Variants in FHIT observed in about 807,000 individuals in gnomAD.
The protein encoded by FHIT is fragile histidine triad diadenosine triphosphatase.
In FHIT, 19 loss-of-function variants were observed where a neutral mutation model predicts 17.9. That is an observed-to-expected ratio of 1.06 (90% CI 0.74 to 1.56). The LOEUF (loss-of-function observed/expected upper bound fraction) is 1.56, where lower values mean the gene tolerates loss of function less well. Ranked by LOEUF, FHIT falls within the 40% of genes most tolerant of loss-of-function variation. The probability of loss-of-function intolerance (pLI) is 0.00; values close to 1 mark genes in which losing one functional copy is unlikely to be tolerated. For synonymous variants in FHIT, 81 were observed against 69.7 expected (o/e 1.16, Z -0.81); for missense variants, 248 against 189.2 (o/e 1.31, Z -1.82).
chr3:61,049,911 A>C (rs1462341162), intron 2 of FHIT, among the ~76,000 whole-genome samples: 1 of 152,142 alleles, frequency 6.6e-6, no homozygotes, highest in East Asian at 1.9e-4. Flanking sequence ...GAACATCCTT[A>C]CCTCTGAAGA....
intron 5 of FHIT, among the ~76,000 whole-genome samples, chr3:60,086,440 C>T (rs1034542998): frequency 1.3e-5 from 2 of 152,174 alleles, no homozygotes; most frequent in Non-Finnish European, 2.9e-5. Flanking sequence ...TCCCAAAAGT[C>T]TTAACTCATT....
chr3:60,315,573 T>C (rs1257602286), intron 5 of FHIT, among the ~76,000 whole-genome samples: 2 of 152,244 alleles, frequency 1.3e-5, no homozygotes, highest in Non-Finnish European at 2.9e-5. Flanking sequence ...ATCCAGCTTC[T>C]TCCGTTCAAC....
chr3:61,217,527 C>G (rs1281779190), intron 1 of FHIT, among the ~76,000 whole-genome samples: 1 of 152,094 alleles, frequency 6.6e-6, no homozygotes, highest in East Asian at 1.9e-4. Flanking sequence ...TTTTTATGAC[C>G]TAGGCTCAGA....
chr3:60,254,299 C>T lies in FHIT; in HGVS notation c.104-240147G>A, dbSNP rs185924570. 6.8e-4 allele frequency among the ~76,000 whole-genome samples: 103 copies of T among 152,092 alleles called. 1 individual carries two copies. The highest frequency in any genetic ancestry group is 6.8e-3 in the Middle Eastern group (2 of 294). On this transcript the variant is annotated intron_variant, in intron 5 of 9. Coordinates refer to ENST00000492590, the MANE Select transcript of FHIT (RefSeq NM_002012.4). ...TGCAATGAACAGTGAGAACTACAACCGGAAAAACAGGTAGCAAAGACCCTA... is the reference window on the plus strand; with the variant it reads ...TGCAATGAACAGTGAGAACTACAACTGGAAAAACAGGTAGCAAAGACCCTA...
chr3:61,041,850 A>G (rs1304762606), intron 3 of FHIT, among the ~76,000 whole-genome samples, 197 bp downstream of exon 3: 1 of 152,212 alleles, frequency 6.6e-6, no homozygotes, highest in Non-Finnish European at 1.5e-5. Context: ...GAAAAAAGTG[A>G]GAATTTCAAA....
At chr3:60,009,528 G>C (rs1272623044) in intron 7 of FHIT, among the ~76,000 whole-genome samples, 1 of 151,822 alleles carries the variant, frequency 6.6e-6, no homozygotes, top group African/African-American at 2.4e-5. Flanking sequence ...CCAGATAATT[G>C]GGACATCAAA....
chr3:60,083,515 T>C (rs1703374712), intron 5 of FHIT, among the ~76,000 whole-genome samples: 1 of 82,574 alleles, frequency 1.2e-5, no homozygotes, highest in Non-Finnish European at 2.1e-5. Context: ...GGAATACCAC[T>C]GAAAACCTGT....
chr3:60,463,392 A>G (rs1011856212), intron 5 of FHIT, among the ~76,000 whole-genome samples: 3 of 152,216 alleles, frequency 2.0e-5, no homozygotes, highest in Admixed American at 6.5e-5. Flanking sequence ...AATTGCATTT[A>G]GAAGGATTTA....
At chr3:60,401,845 A>G (rs1324085728) in intron 5 of FHIT, among the ~76,000 whole-genome samples, 1 of 152,190 alleles carries the variant, frequency 6.6e-6, no homozygotes, top group African/African-American at 2.4e-5. Context: ...GGACAAGCAT[A>G]ATCTTGCAGA....
intron 2 of FHIT, among the ~76,000 whole-genome samples, chr3:61,074,447 T>C (rs978160492): frequency 6.6e-6 from 1 of 152,200 alleles, no homozygotes; most frequent in Non-Finnish European, 1.5e-5. Flanking sequence ...CTCTGTTTCA[T>C]TTGGACCATA....
intron 4 of FHIT, among the ~76,000 whole-genome samples, chr3:60,761,395 T>C (rs1396485316): frequency 6.6e-6 from 1 of 152,210 alleles, no homozygotes; most frequent in Non-Finnish European, 1.5e-5. Context: ...ATGTTGCTCT[T>C]CATGAGCAAA....
At chr3:60,296,231 G>A (rs1455715266) in intron 5 of FHIT, among the ~76,000 whole-genome samples, 1 of 152,004 alleles carries the variant, frequency 6.6e-6, no homozygotes, top group East Asian at 1.9e-4. Flanking sequence ...GGGGAAGGAG[G>A]AGGGGAAAGA....
At chr3:60,110,540 T>A (rs1704625672) in intron 5 of FHIT, among the ~76,000 whole-genome samples, 1 of 152,166 alleles carries the variant, frequency 6.6e-6, no homozygotes, top group Non-Finnish European at 1.5e-5. Flanking sequence ...AGAGCCAAGT[T>A]TACGTAAGTT....
intron 4 of FHIT, among the ~76,000 whole-genome samples, chr3:60,552,202 T>C (rs2036583717): frequency 6.6e-6 from 1 of 152,224 alleles, no homozygotes; most frequent in Non-Finnish European, 1.5e-5. Context: ...CCCCATTGTA[T>C]GTATACACCA....
chr3:59,759,542 A>T (rs1575610142), intron 8 of FHIT, among the ~76,000 whole-genome samples: 1 of 152,274 alleles, frequency 6.6e-6, no homozygotes, highest in East Asian at 1.9e-4. Context: ...CCCTGCCAAG[A>T]TTGCTCTGAA....
At chr3:60,108,750 A>T (rs1704539261) in intron 5 of FHIT, among the ~76,000 whole-genome samples, 6 of 146,128 alleles carry the variant, frequency 4.1e-5, no homozygotes. Context: ...CACAACCTCC[A>T]CCTCCTGGGT....
At chr3:59,831,418 A>G (rs1701159618) in intron 8 of FHIT, among the ~76,000 whole-genome samples, 1 of 152,122 alleles carries the variant, frequency 6.6e-6, no homozygotes, top group South Asian at 2.1e-4. Flanking sequence ...CTTTTGATGA[A>G]TGAAGACACT....
chr3:60,696,714 A>G (rs782598083), intron 4 of FHIT, among the ~76,000 whole-genome samples: 17 of 152,182 alleles, frequency 1.1e-4, no homozygotes, highest in Non-Finnish European at 2.2e-4. Flanking sequence ...GATAAAAGGG[A>G]ATGTTCCTTA....
Position 60,150,700 on chromosome 3 carries a change from C to T in FHIT, c.104-136548G>A, listed in dbSNP as rs931144800. Among the ~76,000 whole-genome samples, 4 of 152,142 alleles carry T rather than the reference C, an allele frequency of 2.6e-5. 1 individual carries two copies. The highest frequency in any genetic ancestry group is 2.6e-4 in the Admixed American group (4 of 15,278). ...TAGGAGGCTGAGGCGGGCAGACCGC[C>T]TGAGCTCAGGAGTTCGAGACCAGCC... On this transcript the variant is annotated intron_variant, in intron 5 of 9. Transcript: ENST00000492590.
Sources: allele counts gnomAD v4.1 joint callset (sites outside exome capture counted in the v4.1 genomes callset), GRCh38; gene constraint gnomAD v4.1.1; transcripts MANE v1.5; gene names NCBI Gene and HGNC (gene_info 2026-07-23, HGNC 2026-07-21).